PCDHGA4: variants seen among roughly 807,000 people sequenced by gnomAD.
PCDHGA4 encodes the protein protocadherin gamma subfamily A, 4, also known as protocadherin gamma-A4.
Under a neutral mutation model 54.6 loss-of-function variants are expected in PCDHGA4, and 38 were observed. The observed-to-expected ratio is 0.70, with a 90% CI of 0.54 to 0.91. The LOEUF (loss-of-function observed/expected upper bound fraction) is 0.91. Ranked by LOEUF, PCDHGA4 falls within the 40% of genes least tolerant of loss-of-function variation. PCDHGA4 has a pLI of 0.00. For synonymous variants in PCDHGA4, 511 were observed against 512.9 expected, an observed-to-expected ratio of 1.00 and a Z score of 0.05; for missense variants, 1,298 against 1,220.9, an observed-to-expected ratio of 1.06 and a Z score of -0.94.
At chr5:141,365,397 T>A (rs1763890362) in intron 1 of PCDHGA4, 1 of 1,613,844 alleles carries the variant, frequency 6.2e-7, no homozygotes, top group Non-Finnish European at 8.5e-7. Context: ...ACCAGTTCGA[T>A]CTCTGAAGAC....
intron 1 of PCDHGA4, chr5:141,430,546 G>A (rs1323295073): frequency 2.5e-6 from 1 of 402,156 alleles, no homozygotes; most frequent in Non-Finnish European, 4.4e-6. Context: ...GAGCGCCGCT[G>A]TTCACCAATC....
intron 1 of PCDHGA4, chr5:141,383,588 T>C: frequency 6.2e-7 from 1 of 1,613,646 alleles, no homozygotes; most frequent in Non-Finnish European, 8.5e-7. Context: ...CACATCCAGG[T>C]GACAGTGGTG....
chr5:141,465,413 G>A (rs996581829), intron 1 of PCDHGA4, among the ~76,000 whole-genome samples: 1 of 152,174 alleles, frequency 6.6e-6, no homozygotes, highest in Non-Finnish European at 1.5e-5. Context: ...AGCCAAATCA[G>A]CACTGAAAGG....
At position 141,356,428 on chromosome 5, in the gene PCDHGA4, C is replaced by T; in HGVS notation, c.1321C>T (p.Leu441=). 6.2e-7 allele frequency: 1 copy of T among 1,608,476 alleles called. No homozygotes were observed. Among genetic ancestry groups the T allele is most frequent in the Non-Finnish European group, 8.5e-7 (1 of 1,176,854 alleles). ...TTATCGGTTGTTGACACACAGAACA[C>T]TGGACAGGGAAGAAGTCTCAGAATA... ...NYYRLLTHRT[L]DREEVSEYNI... is the part of the protein sequence containing the mutation. The change falls in exon 1 of 4, where the codon CTG becomes TTG. Residue 441 remains leucine (L), a synonymous_variant. Coordinates refer to ENST00000571252, the MANE Select transcript of PCDHGA4 (RefSeq NM_018917.4).
Position 141,491,793 on chromosome 5 carries a change from C to A in PCDHGA4, c.2515-3014C>A. 6.6e-7 allele frequency: 1 copy of A among 1,511,410 alleles called. No homozygotes were observed. The highest frequency in any genetic ancestry group is 1.3e-5 in the South Asian group (1 of 77,572). The allele number at this position is 1,511,410 out of a possible 1,614,324, so 93.6% of individuals were successfully genotyped here. On this transcript the variant is annotated intron_variant, in intron 1 of 3. Coordinates refer to ENST00000571252, the MANE Select transcript of PCDHGA4 (RefSeq NM_018917.4). This position sits in a 1 kb window ranked among gnomAD's most constrained non-coding sequence, Gnocchi z 6.9. ...AGGGATTGAACTTGCATCCACTCCT[C>A]TCCGGCCGGCTTGGTCGCTGGCTGC...
At chr5:141,488,472 T>C (rs1183465817) in intron 1 of PCDHGA4, among the ~76,000 whole-genome samples, 1 of 152,096 alleles carries the variant, frequency 6.6e-6, no homozygotes, top group East Asian at 1.9e-4. Context: ...CCAGAAATGT[T>C]CCCCTACCCA....
chr5:141,447,428 G>A (rs542079336), intron 1 of PCDHGA4, among the ~76,000 whole-genome samples: 4 of 152,182 alleles, frequency 2.6e-5, no homozygotes, highest in East Asian at 1.9e-4. Flanking sequence ...GTGAGCCACC[G>A]CACCCGGAGG....
chr5:141,490,775 A>G lies in PCDHGA4; in HGVS notation c.2515-4032A>G. 6 of 1,614,110 alleles carry G rather than the reference A, an allele frequency of 3.7e-6. No homozygotes were observed. Among genetic ancestry groups the G allele is most frequent in the Non-Finnish European group, 5.1e-6 (6 of 1,179,964 alleles). On this transcript the variant is annotated intron_variant, in intron 1 of 3. Transcript: ENST00000571252. The surrounding 1 kb of genome is among the most constrained non-coding windows in gnomAD (Gnocchi z 5.4). ...TCCTCCTTTGTGTATGTCAACCCAG[A>G]GGATGGACGGATCTTTGCCCAGCGT...
At chr5:141,430,217 T>C (rs1055487905) in intron 1 of PCDHGA4, among the ~76,000 whole-genome samples, 1 of 150,102 alleles carries the variant, frequency 6.7e-6, no homozygotes, top group Non-Finnish European at 1.5e-5. Context: ...TATTATATTA[T>C]ATGATTTGTC....
At chr5:141,405,757 C>T (rs754575292) in intron 1 of PCDHGA4, among the ~76,000 whole-genome samples, 13 of 152,264 alleles carry the variant, frequency 8.5e-5, no homozygotes, top group East Asian at 3.9e-4. Context: ...GGATTACAGG[C>T]GTGAGCCACT....
intron 1 of PCDHGA4, chr5:141,478,450 AGCCAGTCCACTGGCCAGCC>A (rs1562070520): frequency 6.2e-7 from 1 of 1,613,572 alleles, no homozygotes. Context: ...AACCTGGTGC[AGCCAGTCCACTGGCCAGCC>A]GCCAGAACAC....
chr5:141,492,695 A>G (rs925499358), intron 1 of PCDHGA4, among the ~76,000 whole-genome samples: 14 of 152,214 alleles, frequency 9.2e-5, no homozygotes, highest in African/African-American at 3.1e-4. Context: ...CGACCCCTCA[A>G]CCCAGAAGCC....
chr5:141,361,247 C>A (rs745887185), intron 1 of PCDHGA4: 2 of 1,613,946 alleles, frequency 1.2e-6, no homozygotes, highest in South Asian at 1.1e-5. Context: ...TTGATAAAAA[C>A]GAGAGACAGA....
In PCDHGA4 at chr5:141,431,931, C is replaced by T. The variant is rs2097430107; in HGVS notation, c.2515-62876C>T. ...ATCTGTTTCATCCAAGGAAATCTGCCCTTTAAATTAGAAAAATCTTACGGA... is the reference window on the plus strand; with the variant it reads ...ATCTGTTTCATCCAAGGAAATCTGCTCTTTAAATTAGAAAAATCTTACGGA... On this transcript the variant is annotated intron_variant, in intron 1 of 3. Transcript: ENST00000571252. This position sits in a 1 kb window ranked among gnomAD's most constrained non-coding sequence, Gnocchi z 4.8. The T allele has an allele frequency of 6.2e-7, 1 of 1,613,924 alleles. No homozygotes were observed. Among genetic ancestry groups the T allele is most frequent in the Admixed American group, 1.7e-5 (1 of 59,986 alleles).
rs756464724 is a variant in PCDHGA4, at chr5:141,478,476, A to T, written c.2515-16331A>T. The T allele has an allele frequency of 5.0e-6, 8 of 1,613,838 alleles. 1 individual carries two copies. The South Asian group carries it at 7.7e-5, about 16-fold the overall frequency. The stretch of plus-strand genomic sequence containing the variant: ...GCCAGTCCACTGGCCAGCCGCCAGA[A>T]CACGCTGCGGAGCTGTGATCCGGTG... On this transcript the variant is annotated intron_variant, in intron 1 of 3. Transcript: ENST00000571252.
chr5:141,473,079 A>G (rs1389177835), intron 1 of PCDHGA4, among the ~76,000 whole-genome samples: 2 of 152,086 alleles, frequency 1.3e-5, no homozygotes, highest in African/African-American at 4.8e-5. Flanking sequence ...ATCTTTGTTT[A>G]TTATCCACTG....
chr5:141,466,552 G>C lies in PCDHGA4; in HGVS notation c.2515-28255G>C, dbSNP rs913019489. On this transcript the variant is annotated intron_variant, in intron 1 of 3. Coordinates refer to ENST00000571252, the MANE Select transcript of PCDHGA4 (RefSeq NM_018917.4). ...ATTGATGTAGATGGTCTTTTGCTGTGGGCTTCATCTTCAACATTGTCTCAT... is the reference window on the plus strand; with the variant it reads ...ATTGATGTAGATGGTCTTTTGCTGTCGGCTTCATCTTCAACATTGTCTCAT... 2.6e-5 allele frequency among the ~76,000 whole-genome samples: 4 copies of C among 152,144 alleles called. No homozygotes were observed. The South Asian group carries it at 8.3e-4, about 32-fold the overall frequency.
In PCDHGA4 at chr5:141,487,237, T is replaced by A. The variant is rs1327004790; in HGVS notation, c.2515-7570T>A. 1.2e-6 allele frequency: 2 copies of A among 1,614,122 alleles called. No individual in the cohort carries two copies. The highest frequency in any genetic ancestry group is 1.7e-6 in the Non-Finnish European group (2 of 1,179,980). On this transcript the variant is annotated intron_variant, in intron 1 of 3. Coordinates refer to ENST00000571252, the MANE Select transcript of PCDHGA4 (RefSeq NM_018917.4). This position sits in a 1 kb window ranked among gnomAD's most constrained non-coding sequence, Gnocchi z 5.0. ...CAGCTCCAAGGGAAGGAGAATCTCGTCTAACCCTCTACTTGGCTGTGTCCC... is the reference window on the plus strand; with the variant it reads ...CAGCTCCAAGGGAAGGAGAATCTCGACTAACCCTCTACTTGGCTGTGTCCC...
Position 141,359,555 on chromosome 5 carries a change from C to G in PCDHGA4, c.2514+1934C>G, listed in dbSNP as rs1761251124. 2.0e-5 allele frequency among the ~76,000 whole-genome samples: 3 copies of G among 151,148 alleles called. No individual in the cohort carries two copies. The South Asian group carries it at 6.3e-4, about 32-fold the overall frequency. ...TATAAGAAATAAATAGGAAAGCTCT[C>G]TATGTACTGATATGATCTTTAAGAT... On this transcript the variant is annotated intron_variant, in intron 1 of 3. Coordinates refer to ENST00000571252, the MANE Select transcript of PCDHGA4 (RefSeq NM_018917.4).
Sources: allele counts gnomAD v4.1 joint callset (sites outside exome capture counted in the v4.1 genomes callset), GRCh38; gene constraint gnomAD v4.1.1; non-coding constraint Gnocchi (gnomAD v3.1); transcripts MANE v1.5; gene names NCBI Gene and HGNC (gene_info 2026-07-23, HGNC 2026-07-21).